PDE11A: variants seen among roughly 807,000 people sequenced by gnomAD.
PDE11A encodes the protein phosphodiesterase 11A.
In PDE11A, 100 loss-of-function variants were observed where a neutral mutation model predicts 100.5. That is an observed-to-expected ratio of 1.00 (90% CI 0.85 to 1.18). The LOEUF is 1.18. Ranked by LOEUF, PDE11A falls within the 50% of genes most tolerant of loss-of-function variation. The pLI is 0.00. For missense variants in PDE11A, 1,141 were observed against 1,152.6 expected, an observed-to-expected ratio of 0.99 and a Z score of 0.15; for synonymous variants, 381 against 420.8, an observed-to-expected ratio of 0.91 and a Z score of 1.16.
At chr2:178,061,156 G>A (rs889302756) in intron 1 of PDE11A, among the ~76,000 whole-genome samples, 2 of 152,010 alleles carry the variant, frequency 1.3e-5, no homozygotes, top group Admixed American at 1.3e-4. Flanking sequence ...TATTGGCCAG[G>A]CTGGAGAAGT....
chr2:178,034,178 CA>C lies in PDE11A; in HGVS notation c.913-19719del, dbSNP rs1030385478. ...TCTCACGTGCAAAGACACATAGGGT[CA>C]AAAAAAAAGGGATGGAGGAATATTT... is the stretch of plus-strand genomic sequence containing the variant. On this transcript the variant is annotated intron_variant, in intron 1 of 19. Transcript: ENST00000286063. Among the ~76,000 whole-genome samples, 264 of 146,640 alleles carry C rather than the reference CA, an allele frequency of 1.8e-3. 3 individuals are homozygous for C. The South Asian group carries it at 0.022, about 12-fold the overall frequency.
intron 10 of PDE11A, among the ~76,000 whole-genome samples, chr2:177,733,606 T>G (rs1238350015): frequency 4.6e-5 from 7 of 152,236 alleles, no homozygotes; most frequent in Admixed American, 3.9e-4. Context: ...AGTCCAGCCT[T>G]GGCAATTCAA....
intron 19 of PDE11A, among the ~76,000 whole-genome samples, chr2:177,652,318 A>G (rs2080322630): frequency 6.6e-6 from 1 of 152,202 alleles, no homozygotes; most frequent in Non-Finnish European, 1.5e-5. Flanking sequence ...AGAACATGTC[A>G]TCTGAGCAGA....
intron 4 of PDE11A, among the ~76,000 whole-genome samples, chr2:177,876,752 T>C (rs2105697230): frequency 6.7e-6 from 1 of 148,440 alleles, no homozygotes; most frequent in South Asian, 2.1e-4. Flanking sequence ...AGGAATTCTC[T>C]CTGATGCTAG....
chr2:177,727,708 T>C lies in PDE11A; in HGVS notation c.1993A>G (p.Asn665Asp). 6.2e-7 allele frequency: 1 copy of C among 1,612,482 alleles called. No homozygotes were observed. Among genetic ancestry groups the C allele is most frequent in the Non-Finnish European group, 8.5e-7 (1 of 1,178,554 alleles). Residue 665 changes from asparagine to aspartate, a missense_variant, in exon 12 of 20, where the codon AAC becomes GAC. Physicochemically the swap from Asn to Asp is conservative, Grantham distance 23. Transcript: ENST00000286063. ...RKNYRMVLYH[N>D]WRHAFNVCQL... ...CACACGTTGAAGGCATGTCTCCAGTTGTGGTATAGAACCATCCGATAGTTT... is the reference window on the plus strand; with the variant it reads ...CACACGTTGAAGGCATGTCTCCAGTCGTGGTATAGAACCATCCGATAGTTT...
intron 4 of PDE11A, among the ~76,000 whole-genome samples, chr2:177,879,241 T>C (rs1558988209): frequency 1.3e-5 from 2 of 152,220 alleles, no homozygotes; most frequent in Non-Finnish European, 2.9e-5. Flanking sequence ...AATTGTATTA[T>C]CCTGACTGGT....
intron 10 of PDE11A, among the ~76,000 whole-genome samples, chr2:177,766,094 C>T (rs2082234975): frequency 6.6e-6 from 1 of 152,026 alleles, no homozygotes; most frequent in Admixed American, 6.5e-5. Flanking sequence ...GGTCTCCATG[C>T]TTTTTGGCGC....
intron 2 of PDE11A, among the ~76,000 whole-genome samples, chr2:177,989,750 C>T (rs1559033981): frequency 2.6e-5 from 4 of 152,134 alleles, no homozygotes. Context: ...TCCAGCCTCA[C>T]CTCATGCCAG....
At chr2:177,708,424 C>G (rs999764961) in intron 13 of PDE11A, among the ~76,000 whole-genome samples, 1 of 152,062 alleles carries the variant, frequency 6.6e-6, no homozygotes, top group Non-Finnish European at 1.5e-5. Context: ...CAAGTGGGAG[C>G]TAAATGATGA....
At chr2:177,907,079 TA>T (rs2084801830) in intron 2 of PDE11A, among the ~76,000 whole-genome samples, 1 of 152,140 alleles carries the variant, frequency 6.6e-6, no homozygotes, top group South Asian at 2.1e-4. Context: ...TGTTTTCTAA[TA>T]TATCATAGGC....
intron 19 of PDE11A, among the ~76,000 whole-genome samples, chr2:177,652,322 G>A (rs2080322712): frequency 6.6e-6 from 1 of 152,194 alleles, no homozygotes; most frequent in Admixed American, 6.5e-5. Flanking sequence ...CATGTCATCT[G>A]AGCAGAGTCC....
chr2:177,961,052 C>G (rs1362487719), intron 2 of PDE11A, among the ~76,000 whole-genome samples: 1 of 152,174 alleles, frequency 6.6e-6, no homozygotes, highest in Non-Finnish European at 1.5e-5. Context: ...GATCATTCCT[C>G]CAGGATGCTG....
At chr2:177,900,958 T>C (rs549970836) in intron 3 of PDE11A, among the ~76,000 whole-genome samples, 2 of 152,308 alleles carry the variant, frequency 1.3e-5, no homozygotes, top group South Asian at 4.1e-4. Flanking sequence ...TGTTCATTTC[T>C]GGGCATAGGC....
chr2:177,793,766 G>A (rs567286075), intron 9 of PDE11A, among the ~76,000 whole-genome samples: 12 of 152,224 alleles, frequency 7.9e-5, no homozygotes, highest in Admixed American at 4.6e-4. Flanking sequence ...CTCACACTGC[G>A]GCAGTACAGG....
chr2:177,815,695 C>T (rs2083026676), intron 9 of PDE11A, among the ~76,000 whole-genome samples: 1 of 152,150 alleles, frequency 6.6e-6, no homozygotes, highest in Non-Finnish European at 1.5e-5. Context: ...ATTAAAAGCA[C>T]ATAGATAGAT....
chr2:177,648,899 T>C (rs2080263246), intron 19 of PDE11A, among the ~76,000 whole-genome samples: 1 of 152,040 alleles, frequency 6.6e-6, no homozygotes, highest in South Asian at 2.1e-4. Context: ...CTTTAATAGA[T>C]AGTGAGCTCC....
chr2:177,890,027 G>A (rs2084505346), intron 4 of PDE11A, among the ~76,000 whole-genome samples: 1 of 151,958 alleles, frequency 6.6e-6, no homozygotes, highest in South Asian at 2.1e-4. Flanking sequence ...AATGATTTAG[G>A]GTGGCTGCAT....
chr2:177,922,023 CA>C, intron 2 of PDE11A: 1 of 152,168 alleles, frequency 6.6e-6, no homozygotes, highest in East Asian at 1.9e-4. Context: ...GTTAACTTTA[CA>C]AAACTTTCCT....
intron 2 of PDE11A, among the ~76,000 whole-genome samples, chr2:177,919,106 T>TTC (rs2084998385): frequency 6.6e-6 from 1 of 151,810 alleles, no homozygotes; most frequent in South Asian, 2.1e-4. Flanking sequence ...TTTAACATTT[T>TTC]TTTTTTTTTG....
Sources: gnomAD v4.1 joint callset for allele counts (sites outside exome capture counted in the v4.1 genomes callset) on GRCh38, gnomAD v4.1.1 for gene constraint, MANE v1.5 for transcripts, NCBI Gene and HGNC (gene_info 2026-07-23, HGNC 2026-07-21) for gene names.